C8orf34: variants seen among roughly 807,000 people sequenced by gnomAD.
C8orf34 encodes the protein chromosome 8 open reading frame 34.
In C8orf34, 65 loss-of-function variants were observed where a neutral mutation model predicts 68.3. The observed-to-expected ratio is 0.95, with a 90% CI of 0.78 to 1.17. The LOEUF is 1.17. Ranked by LOEUF, C8orf34 falls within the 50% of genes most tolerant of loss-of-function variation. The pLI is 0.00. For missense variants in C8orf34, 664 were observed against 655.4 expected (o/e 1.01, Z -0.14); for synonymous variants, 244 against 241.2 (o/e 1.01, Z -0.11).
intron 4 of C8orf34, among the ~76,000 whole-genome samples, chr8:68,486,881 T>C (rs1018193417): frequency 4.6e-5 from 7 of 152,176 alleles, no homozygotes; most frequent in Non-Finnish European, 8.8e-5. Context: ...CTTCAAACTT[T>C]AGACCTTTCC....
chr8:68,680,006 T>A (rs554370733), intron 8 of C8orf34, among the ~76,000 whole-genome samples: 1 of 152,320 alleles, frequency 6.6e-6, no homozygotes, highest in South Asian at 2.1e-4. Context: ...TCCAGGACAC[T>A]GGACTGGGCA....
In C8orf34 at chr8:68,445,909, C is replaced by T. The variant is rs138050819; in HGVS notation, c.476-420C>T. On this transcript the variant is annotated intron_variant, in intron 2 of 13. Coordinates refer to ENST00000518698, the MANE Select transcript of C8orf34 (RefSeq NM_052958.4). The stretch of plus-strand genomic sequence containing the variant: ...GGTTCAAGTAATTCTCCTGTCTCAG[C>T]CTCCTGAGTAGCTGTAATTACAGAC... Among the ~76,000 whole-genome samples, 327 of 152,204 alleles carry T rather than the reference C, an allele frequency of 2.1e-3. 1 individual carries two copies. Among genetic ancestry groups the T allele is most frequent in the African/African-American group, 7.1e-3 (294 of 41,536 alleles).
chr8:68,718,986 TA>T (rs1440597540), intron 9 of C8orf34, among the ~76,000 whole-genome samples: 1 of 152,056 alleles, frequency 6.6e-6, no homozygotes, highest in Non-Finnish European at 1.5e-5. Flanking sequence ...TTTAAATAGC[TA>T]AAAAAATTAC....
intron 1 of C8orf34, among the ~76,000 whole-genome samples, chr8:68,352,195 G>T (rs951904855): frequency 1.3e-5 from 2 of 151,726 alleles, no homozygotes; most frequent in African/African-American, 4.8e-5. Context: ...ATAATTTTTG[G>T]TATTCAAAAT....
intron 9 of C8orf34, among the ~76,000 whole-genome samples, chr8:68,717,349 G>A (rs1002901901): frequency 1.3e-5 from 2 of 151,992 alleles, no homozygotes; most frequent in African/African-American, 4.8e-5. Context: ...GCCCGGGTTC[G>A]ACCTGCGGTG....
intron 1 of C8orf34, among the ~76,000 whole-genome samples, chr8:68,431,866 T>C (rs1473795627): frequency 6.6e-6 from 1 of 152,214 alleles, no homozygotes; most frequent in African/African-American, 2.4e-5. Context: ...TCATCATTCC[T>C]AATCTTCATT....
chr8:68,366,703 A>G (rs1305424853), intron 1 of C8orf34, among the ~76,000 whole-genome samples: 68 of 144,398 alleles, frequency 4.7e-4, no homozygotes, highest in African/African-American at 1.8e-3. Flanking sequence ...ATATGTAGAA[A>G]GCTGAAACTG....
intron 8 of C8orf34, among the ~76,000 whole-genome samples, chr8:68,673,788 T>C (rs897851826): frequency 1.3e-5 from 2 of 152,048 alleles, no homozygotes; most frequent in East Asian, 1.9e-4. Flanking sequence ...TGAATGAACA[T>C]AGATGGTAGC....
intron 1 of C8orf34, among the ~76,000 whole-genome samples, chr8:68,425,729 G>GAA (rs35937675): frequency 4.7e-4 from 65 of 139,670 alleles, no homozygotes; most frequent in South Asian, 1.3e-3. Flanking sequence ...GTTTTGGAAG[G>GAA]AAAAAAAAAA....
chr8:68,679,684 A>G (rs942000718), intron 8 of C8orf34, among the ~76,000 whole-genome samples: 22 of 152,200 alleles, frequency 1.4e-4, no homozygotes, highest in African/African-American at 5.1e-4. Flanking sequence ...AAATTATACT[A>G]CAGGGCTATA....
chr8:68,468,518 C>A (rs924884766), intron 3 of C8orf34, among the ~76,000 whole-genome samples, 174 bp from the exon 4 acceptor site: 1 of 151,970 alleles, frequency 6.6e-6, no homozygotes, highest in Non-Finnish European at 1.5e-5. Context: ...AAAATATTTT[C>A]TTTAAGCCTG....
At position 68,397,471 on chromosome 8, in the gene C8orf34, G is replaced by A. The variant is rs1808765112; in HGVS notation, c.328-42028G>A. 3.3e-5 allele frequency among the ~76,000 whole-genome samples: 5 copies of A among 152,010 alleles called. No homozygotes were observed. The South Asian group carries it at 1.0e-3, about 32-fold the overall frequency. On this transcript the variant is annotated intron_variant, in intron 1 of 13. Transcript: ENST00000518698. ...CTATTTAAGTATATTTTTACATTTA[G>A]CAATTTAATGTGGAGAGAAATCTAT...
intron 4 of C8orf34, among the ~76,000 whole-genome samples, chr8:68,476,820 T>C (rs1276852820): frequency 1.3e-5 from 2 of 152,184 alleles, no homozygotes; most frequent in African/African-American, 4.8e-5. Flanking sequence ...AATCATAGGA[T>C]ATAAAGACAG....
intron 3 of C8orf34, among the ~76,000 whole-genome samples, chr8:68,463,732 A>G (rs1326239198): frequency 6.6e-6 from 1 of 152,204 alleles, no homozygotes; most frequent in South Asian, 2.1e-4. Flanking sequence ...CCTTTGAAAA[A>G]ATTCAACAAC....
chr8:68,764,532 AG>A (rs1823114418), intron 10 of C8orf34, among the ~76,000 whole-genome samples: 1 of 152,136 alleles, frequency 6.6e-6, no homozygotes, highest in South Asian at 2.1e-4. Flanking sequence ...GGGCTGGGGG[AG>A]TCTTCCTCGA....
intron 1 of C8orf34, among the ~76,000 whole-genome samples, chr8:68,390,708 T>C (rs1413451498): frequency 2.6e-5 from 4 of 152,168 alleles, no homozygotes; most frequent in African/African-American, 9.7e-5. Context: ...GATTTTTATC[T>C]ATAAAATGGA....
intron 1 of C8orf34, among the ~76,000 whole-genome samples, chr8:68,425,159 A>C (rs931291261): frequency 6.6e-6 from 1 of 152,134 alleles, no homozygotes; most frequent in Non-Finnish European, 1.5e-5. Flanking sequence ...ATCTACAGAA[A>C]TCCTACAGCT....
intron 6 of C8orf34, among the ~76,000 whole-genome samples, chr8:68,526,774 A>T (rs1815011750): frequency 6.6e-6 from 1 of 152,068 alleles, no homozygotes; most frequent in Admixed American, 6.5e-5. Context: ...AAATCATCCA[A>T]TTTTTCACCA....
chr8:68,631,092 C>G (rs778580925), intron 7 of C8orf34, among the ~76,000 whole-genome samples: 1 of 151,628 alleles, frequency 6.6e-6, no homozygotes, highest in African/African-American at 2.4e-5. Flanking sequence ...TAGGGAAACC[C>G]CATCTCTACT....
Sources: gnomAD v4.1 joint callset for allele counts (sites outside exome capture counted in the v4.1 genomes callset) on GRCh38, gnomAD v4.1.1 for gene constraint, MANE v1.5 for transcripts, NCBI Gene and HGNC (gene_info 2026-07-23, HGNC 2026-07-21) for gene names.